The following MPDZ variants were observed in gnomAD, a reference collection of about 807,000 sequenced individuals.
MPDZ encodes the protein multiple PDZ domain protein.
MPDZ carries 234 observed loss-of-function variants against 239.1 expected under a neutral mutation model. The observed-to-expected ratio is 0.98, with a 90% CI of 0.88 to 1.09. The LOEUF is 1.09. Ranked by LOEUF, MPDZ falls within the 50% of genes least tolerant of loss-of-function variation. The pLI is 0.00. For synonymous variants in MPDZ, 1,048 were observed against 881.3 expected, an observed-to-expected ratio of 1.19 and a Z score of -3.35; for missense variants, 3,175 against 2,510.0, an observed-to-expected ratio of 1.26 and a Z score of -5.66.
At chr9:13,223,426 G>T in intron 5 of MPDZ, 145 bp downstream of exon 5, 1 of 869,108 alleles carries the variant, frequency 1.2e-6, no homozygotes, top group Non-Finnish European at 1.6e-6. Context: ...TCACAACAAT[G>T]TTAATGACTT....
chr9:13,205,977 C>T lies in MPDZ; in HGVS notation c.1413G>A (p.Met471Ile). Residue 471 changes from methionine to isoleucine, a missense_variant, in exon 11 of 47, where the codon ATG (methionine) becomes ATA (isoleucine). Met to Ile is a conservative substitution (Grantham distance 10, BLOSUM62 1). Transcript: ENST00000319217. ...RRGMKQEAEL[M>I]SREDVTKDAD... ...CATCTTTTGTGACGTCTTCCCTTGA[C>T]ATGAGCTCGGCTTCCTGCTTCATTC... 1 of 1,611,460 alleles carries T rather than the reference C, an allele frequency of 6.2e-7. No individual in the cohort carries two copies. Among genetic ancestry groups the T allele is most frequent in the Non-Finnish European group, 8.5e-7 (1 of 1,179,028 alleles).
At chr9:13,228,178 T>C (rs1217187101) in intron 3 of MPDZ, among the ~76,000 whole-genome samples, 1 of 152,128 alleles carries the variant, frequency 6.6e-6, no homozygotes, top group Non-Finnish European at 1.5e-5. Context: ...TGGAAGTTGT[T>C]AGTAAATGAG....
At position 13,122,127 on chromosome 9, in the gene MPDZ, C is replaced by T. The variant is rs1432209801; in HGVS notation, c.4997G>A (p.Cys1666Tyr). 6.2e-7 allele frequency: 1 copy of T among 1,614,004 alleles called. No homozygotes were observed. Among genetic ancestry groups the T allele is most frequent in the Non-Finnish European group, 8.5e-7 (1 of 1,179,918 alleles). Residue 1666 changes from cysteine to tyrosine, a missense_variant, in exon 37 of 47, where the codon TGT (cysteine) becomes TAT (tyrosine). Cys to Tyr is a radical substitution (Grantham distance 194). Coordinates refer to ENST00000319217, the MANE Select transcript of MPDZ (RefSeq NM_001378778.1). ...TCCAGCCCAGAGTCTTCCATCTTTA[C>T]ATGCTGCTCCTTCTTCATAAACTTC... is the stretch of plus-strand genomic sequence containing the variant. ...IHEVYEEGAA[C>Y]KDGRLWAGDQ...
chr9:13,268,803 A>G (rs1474422514), intron 1 of MPDZ, among the ~76,000 whole-genome samples: 1 of 152,248 alleles, frequency 6.6e-6, no homozygotes, highest in African/African-American at 2.4e-5. Context: ...GAATGACAGG[A>G]GCTAGGAAGG....
chr9:13,197,267 G>C (rs1258964710), intron 12 of MPDZ, among the ~76,000 whole-genome samples: 1 of 151,840 alleles, frequency 6.6e-6, no homozygotes, highest in African/African-American at 2.4e-5. Flanking sequence ...AGCACAGCTA[G>C]ATAGAAGAAA....
chr9:13,252,205 G>A (rs1057406619), intron 1 of MPDZ, among the ~76,000 whole-genome samples: 2 of 152,086 alleles, frequency 1.3e-5, no homozygotes, highest in African/African-American at 4.8e-5. Flanking sequence ...AGGAGAATAT[G>A]ATACTCCTTC....
intron 19 of MPDZ, 121 bp downstream of exon 19, chr9:13,183,297 C>T: frequency 4.0e-6 from 3 of 744,802 alleles, no homozygotes; most frequent in Admixed American, 3.6e-5. Flanking sequence ...ATAATGAATC[C>T]ACAACTGGAG....
rs781418452 is a variant in MPDZ, at chr9:13,108,982, C to A, written c.6020G>T (p.Ser2007Ile). ...ATAAATGGGTAAGTCTCCATGAGGGCTGCCATATCCTCCAACTATACTGAA... is the reference window on the plus strand; with the variant it reads ...ATAAATGGGTAAGTCTCCATGAGGGATGCCATATCCTCCAACTATACTGAA... ...LGFSIVGGYGSPHGDLPIYVK... is the reference protein window; with the variant it reads ...LGFSIVGGYGIPHGDLPIYVK... The change falls in exon 46 of 47, where the codon AGC (serine) becomes ATC (isoleucine). Residue 2007 changes from serine to isoleucine, a missense_variant. By Grantham distance (142) the Ser-to-Ile change is moderately radical. Coordinates refer to ENST00000319217, the MANE Select transcript of MPDZ (RefSeq NM_001378778.1). 6.2e-7 allele frequency: 1 copy of A among 1,607,556 alleles called. No homozygotes were observed.
intron 15 of MPDZ, among the ~76,000 whole-genome samples, chr9:13,191,666 G>A (rs930481023): frequency 2.0e-5 from 3 of 152,138 alleles, no homozygotes; most frequent in African/African-American, 7.2e-5. Flanking sequence ...GTAACTGTGT[G>A]CCAGGCAGAG....
chr9:13,186,250 G>C lies in MPDZ; in HGVS notation c.2481+20C>G, dbSNP rs1298091987. ...ATATCAGGTTTCTGAAAGAAAGCTT[G>C]ATAAGTCATAGCCACTAACCAGAGC... On this transcript the variant is annotated intron_variant, in intron 18 of 46. Transcript: ENST00000319217. 1 of 1,425,112 alleles carries C rather than the reference G, an allele frequency of 7.0e-7. No homozygotes were observed. The highest frequency in any genetic ancestry group is 9.4e-7 in the Non-Finnish European group (1 of 1,058,226). The allele number at this position is 1,425,112 out of a possible 1,614,324, so 88.3% of individuals were successfully genotyped here. A position where few individuals can be genotyped will look rare whatever the true frequency, so the allele number is the denominator to read the frequency against.
Position 13,133,958 on chromosome 9 carries a change from T to C in MPDZ, c.4384-54A>G, listed in dbSNP as rs185023699. On this transcript the variant is annotated intron_variant, in intron 31 of 46. Coordinates refer to ENST00000319217, the MANE Select transcript of MPDZ (RefSeq NM_001378778.1). ...AGCAACTGAGTGTTAGGAAATTTGA[T>C]TTGTTTAAATATAAAGGCCACTTAT... is the stretch of plus-strand genomic sequence containing the variant. The C allele has an allele frequency of 7.0e-6, 7 of 994,180 alleles. No homozygotes were observed. The Admixed American group carries it at 8.5e-5, about 12-fold the overall frequency. 61.6% of individuals were successfully genotyped at this position (994,180 alleles called of 1,614,324 possible). A position where few individuals can be genotyped will look rare whatever the true frequency, so the allele number is the denominator to read the frequency against.
Position 13,224,476 on chromosome 9 carries a change from T to C in MPDZ, c.291A>G (p.Pro97=). The C allele has an allele frequency of 6.2e-7, 1 of 1,612,922 alleles. No homozygotes were observed. The highest frequency in any genetic ancestry group is 8.5e-7 in the Non-Finnish European group (1 of 1,179,266). The change falls in exon 4 of 47, where the codon CCA becomes CCG. Residue 97 remains proline (P), a synonymous_variant. Coordinates refer to ENST00000319217, the MANE Select transcript of MPDZ (RefSeq NM_001378778.1). The part of the protein sequence containing the change: ...TLQNESFLLS[P]NNGNLEALTG... ...TAAGTGCTTCCAGATTCCCATTGTT[T>C]GGGGATAATAAAAACGATTCATTTT... is the stretch of plus-strand genomic sequence containing the variant.
At chr9:13,264,462 G>A (rs1487031929) in intron 1 of MPDZ, among the ~76,000 whole-genome samples, 1 of 152,112 alleles carries the variant, frequency 6.6e-6, no homozygotes, top group Non-Finnish European at 1.5e-5. Flanking sequence ...AGGTCAGAGA[G>A]AAGCTAAAGC....
intron 40 of MPDZ, among the ~76,000 whole-genome samples, 172 bp downstream of exon 40, chr9:13,115,076 T>C (rs1943173256): frequency 2.0e-5 from 3 of 152,170 alleles, no homozygotes; most frequent in Admixed American, 6.5e-5. Flanking sequence ...CCACACCTTG[T>C]TTACCTGGCT....
At chr9:13,179,046 T>A (rs1377178144) in intron 19 of MPDZ, among the ~76,000 whole-genome samples, 2 of 152,160 alleles carry the variant, frequency 1.3e-5, no homozygotes, top group Non-Finnish European at 1.5e-5. Flanking sequence ...CCAACACAAT[T>A]TATTACACTC....
chr9:13,225,503 C>A (rs985096325), intron 3 of MPDZ, among the ~76,000 whole-genome samples: 1 of 151,898 alleles, frequency 6.6e-6, no homozygotes, highest in Non-Finnish European at 1.5e-5. Flanking sequence ...CTCACTGATT[C>A]ACCTATAGTA....
chr9:13,161,278 G>A (rs60967297), intron 23 of MPDZ, among the ~76,000 whole-genome samples: 10 of 152,100 alleles, frequency 6.6e-5, no homozygotes, highest in South Asian at 2.1e-4. Context: ...TCTAAAGAAT[G>A]GTACAACTCG....
intron 24 of MPDZ, among the ~76,000 whole-genome samples, chr9:13,151,715 G>T (rs141604274): frequency 6.6e-6 from 1 of 151,980 alleles, no homozygotes; most frequent in African/African-American, 2.4e-5. Flanking sequence ...GTAGCTAGAC[G>T]GTGGTGGTGA....
At chr9:13,267,517 T>C (rs1972048952) in intron 1 of MPDZ, among the ~76,000 whole-genome samples, 1 of 152,230 alleles carries the variant, frequency 6.6e-6, no homozygotes, top group South Asian at 2.1e-4. Flanking sequence ...GAAAATTATG[T>C]GTACTTTTTA....
Sources: allele counts gnomAD v4.1 joint callset (sites outside exome capture counted in the v4.1 genomes callset), GRCh38; gene constraint gnomAD v4.1.1; transcripts MANE v1.5; gene names NCBI Gene and HGNC (gene_info 2026-07-23, HGNC 2026-07-21).